Variants in SHISA6 observed in about 807,000 individuals in gnomAD.
The protein encoded by SHISA6 is protein shisa-6.
A neutral mutation model predicts 47.9 loss-of-function variants in SHISA6; 22 were observed. The ratio of observed to expected loss-of-function variants is 0.46; its 90% CI spans 0.33 to 0.66. SHISA6 has a LOEUF of 0.66. Among genes scored for constraint, SHISA6 ranks in the 30% least tolerant of loss-of-function variants. The pLI is 0.02. For missense variants in SHISA6, 680 were observed against 764.6 expected, an observed-to-expected ratio of 0.89 and a Z score of 1.30; for synonymous variants, 388 against 337.8, an observed-to-expected ratio of 1.15 and a Z score of -1.63.
chr17:11,457,307 C>A (rs1597525894), intron 3 of SHISA6, among the ~76,000 whole-genome samples: 1 of 152,268 alleles, frequency 6.6e-6, no homozygotes, highest in East Asian at 1.9e-4. Flanking sequence ...CTCAGTCTTC[C>A]CGAGGAAGCT....
intron 2 of SHISA6, among the ~76,000 whole-genome samples, chr17:11,359,284 T>A (rs1045458278): frequency 2.0e-5 from 3 of 152,236 alleles, no homozygotes; most frequent in Admixed American, 1.3e-4. Context: ...TTATTAAATT[T>A]AAGGCTATAA....
At chr17:11,357,097 A>G (rs560056329) in intron 2 of SHISA6, among the ~76,000 whole-genome samples, 1 of 147,380 alleles carries the variant, frequency 6.8e-6, no homozygotes, top group East Asian at 2.1e-4. Context: ...CTGAGGCAGG[A>G]GAATGGCGTG....
rs74894182 is a variant in SHISA6 at position 11,337,101 on chromosome 17, A to C, written c.800-42313A>C. 3.9e-5 allele frequency among the ~76,000 whole-genome samples: 6 copies of C among 152,256 alleles called. No homozygotes were observed. In the East Asian group the frequency reaches 9.7e-4, roughly 25 times the overall value. On this transcript the variant is annotated intron_variant, in intron 2 of 5. Transcript: ENST00000441885. ...ACATCTTCCTTAGGACCCCAGAACC[A>C]CAGGCAGTGTAGAATGTGCCTTATT...
At chr17:11,539,522 GC>G (rs1301084397) in intron 3 of SHISA6, among the ~76,000 whole-genome samples, 1 of 152,142 alleles carries the variant, frequency 6.6e-6, no homozygotes, top group African/African-American at 2.4e-5. Context: ...AGAGTCAACT[GC>G]CCACCTCCCT....
At chr17:11,457,343 C>T (rs948385397) in intron 3 of SHISA6, among the ~76,000 whole-genome samples, 4 of 152,214 alleles carry the variant, frequency 2.6e-5, no homozygotes, top group Non-Finnish European at 5.9e-5. Context: ...ACCACCCATG[C>T]AGTCGACAGT....
rs1021279168 is a variant in SHISA6, at chr17:11,360,417, G to T, written c.800-18997G>T. 2.0e-5 allele frequency among the ~76,000 whole-genome samples: 3 copies of T among 152,144 alleles called. No individual in the cohort carries two copies. The East Asian group carries it at 5.8e-4, about 30-fold the overall frequency. ...TACTACAAAAATACAAAAATTAGCTGGGCGTGGTGGCAGGCATCTGTAATC... is the reference window on the plus strand; with the variant it reads ...TACTACAAAAATACAAAAATTAGCTTGGCGTGGTGGCAGGCATCTGTAATC... On this transcript the variant is annotated intron_variant, in intron 2 of 5. Transcript: ENST00000441885.
At chr17:11,336,098 A>G (rs1175447954) in intron 2 of SHISA6, among the ~76,000 whole-genome samples, 2 of 151,878 alleles carry the variant, frequency 1.3e-5, no homozygotes, top group African/African-American at 2.4e-5. Flanking sequence ...AGTCCCAGCT[A>G]TTCGGGAGGC....
chr17:11,557,943 A>G lies in SHISA6; in HGVS notation c.1295A>G (p.Glu432Gly). The G allele has an allele frequency of 1.3e-6, 2 of 1,551,510 alleles. No individual in the cohort carries two copies. The highest frequency in any genetic ancestry group is 4.9e-5 in the East Asian group (2 of 40,900). The change falls in exon 6 of 6, where the codon GAG becomes GGG. Residue 432 changes from glutamate (E) to glycine (G), a missense_variant. Glu to Gly is a moderately conservative substitution (Grantham distance 98). This residue lies in a region of SHISA6 where 559 missense variants were observed against 674.1 expected (regional missense o/e 0.83). Transcript: ENST00000441885. ...TCCCCGGATCGGGGCCTGCCAGATG[A>G]GTTCAGCATGCCCTACGACCGCATC... is the stretch of plus-strand genomic sequence containing the variant. ...VLSPDRGLPD[E>G]FSMPYDRILS... is the part of the protein sequence containing the mutation.
At chr17:11,486,150 A>T (rs2142334385) in intron 3 of SHISA6, among the ~76,000 whole-genome samples, 1 of 152,294 alleles carries the variant, frequency 6.6e-6, no homozygotes, top group African/African-American at 2.4e-5. Flanking sequence ...AACAGCCCTC[A>T]ATTGTGCTGA....
At chr17:11,479,040 A>T (rs573977346) in intron 3 of SHISA6, among the ~76,000 whole-genome samples, 143 of 152,272 alleles carry the variant, frequency 9.4e-4, no homozygotes, top group Admixed American at 1.6e-3. Context: ...TAATTTACAG[A>T]TTCAATGCCA....
intron 2 of SHISA6, among the ~76,000 whole-genome samples, chr17:11,346,091 T>C (rs932473291): frequency 3.3e-5 from 5 of 152,166 alleles, no homozygotes; most frequent in Non-Finnish European, 5.9e-5. Flanking sequence ...GGATTTTTCA[T>C]AGATGCTCTT....
At chr17:11,260,739 C>T (rs1908203481) in intron 1 of SHISA6, among the ~76,000 whole-genome samples, 1 of 151,886 alleles carries the variant, frequency 6.6e-6, no homozygotes, top group Non-Finnish European at 1.5e-5. Context: ...CCCCCTCTCA[C>T]TCTCCTTCTG....
rs999192416 is a variant in SHISA6 at position 11,263,537 on chromosome 17, G to T, written c.799+11G>T. ...CCAAGCAGACTCCAGGTAAGTAACA[G>T]CTGGGCACCTTGATTCTTTGCTGAG... On this transcript the variant is annotated intron_variant, in intron 2 of 5. Transcript: ENST00000441885. 1.3e-6 allele frequency: 2 copies of T among 1,551,558 alleles called. No individual in the cohort carries two copies. Among genetic ancestry groups the T allele is most frequent in the Non-Finnish European group, 1.7e-6 (2 of 1,146,894 alleles).
intron 2 of SHISA6, among the ~76,000 whole-genome samples, chr17:11,340,559 T>C (rs1911486246): frequency 6.6e-6 from 1 of 152,222 alleles, no homozygotes; most frequent in Non-Finnish European, 1.5e-5. Flanking sequence ...AAGACTACCC[T>C]GAATTTAATG....
At chr17:11,483,011 C>T (rs1311048864) in intron 3 of SHISA6, among the ~76,000 whole-genome samples, 1 of 151,852 alleles carries the variant, frequency 6.6e-6, no homozygotes, top group African/African-American at 2.4e-5. Flanking sequence ...ACATAAAAAG[C>T]AGAAAACCGG....
rs1291263914 is a variant in SHISA6, at chr17:11,559,617, A to G, written c.*1313A>G. 1.3e-5 allele frequency: 2 copies of G among 152,380 alleles called. No homozygotes were observed. The highest frequency in any genetic ancestry group is 1.3e-4 in the Admixed American group (2 of 15,280). The allele number at this position is 152,380 out of a possible 1,614,324, so 9.4% of individuals were successfully genotyped here. On this transcript the variant is annotated 3_prime_UTR_variant, in exon 6 of 6. Coordinates refer to ENST00000441885, the MANE Select transcript of SHISA6 (RefSeq NM_207386.4). The surrounding 1 kb of genome is among the most constrained non-coding windows in gnomAD (Gnocchi z 4.4). The stretch of plus-strand genomic sequence containing the variant: ...CCTCCTCTGGATCAAAGGGACAAAG[A>G]CCTATTAGCAAAAGCAAACAAAGGT...
At chr17:11,410,668 A>T (rs1914089592) in intron 3 of SHISA6, among the ~76,000 whole-genome samples, 1 of 152,108 alleles carries the variant, frequency 6.6e-6, no homozygotes, top group African/African-American at 2.4e-5. Flanking sequence ...CGCCCCATGC[A>T]TCCACTCCCC....
chr17:11,322,423 T>C (rs2142197145), intron 2 of SHISA6, among the ~76,000 whole-genome samples: 1 of 152,316 alleles, frequency 6.6e-6, no homozygotes, highest in African/African-American at 2.4e-5. Flanking sequence ...TGATAAATTC[T>C]CTTAACTTGT....
intron 3 of SHISA6, among the ~76,000 whole-genome samples, chr17:11,450,083 C>CTACTAA (rs906318487): frequency 9.9e-5 from 15 of 152,162 alleles, no homozygotes; most frequent in Admixed American, 5.2e-4. Context: ...GACGGAGTTT[C>CTACTAA]ACCATGTTAG....
Sources: allele counts gnomAD v4.1 joint callset (sites outside exome capture counted in the v4.1 genomes callset), GRCh38; gene constraint gnomAD v4.1.1; regional missense constraint gnomAD v4.1.1; non-coding constraint Gnocchi (gnomAD v3.1); transcripts MANE v1.5; gene names NCBI Gene and HGNC (gene_info 2026-07-23, HGNC 2026-07-21).